The following FHIP2A variants were observed in gnomAD, a reference collection of about 807,000 sequenced individuals.
FHIP2A encodes the protein FHF complex subunit HOOK interacting protein 2A.
In FHIP2A, 46 loss-of-function variants were observed where a neutral mutation model predicts 93.5. The ratio of observed to expected loss-of-function variants is 0.49; its 90% CI spans 0.39 to 0.63. The LOEUF (loss-of-function observed/expected upper bound fraction) is 0.63, where lower values mean the gene tolerates loss of function less well. Among genes scored for constraint, FHIP2A ranks in the 20% least tolerant of loss-of-function variants. The probability of loss-of-function intolerance (pLI) is 0.00; values close to 1 mark genes in which losing one functional copy is unlikely to be tolerated. For missense variants in FHIP2A, 769 were observed against 909.7 expected, an observed-to-expected ratio of 0.85 and a Z score of 1.99; for synonymous variants, 332 against 326.5, an observed-to-expected ratio of 1.02 and a Z score of -0.18.
At chr10:114,871,597 C>T (rs1344632280) in intron 16 of FHIP2A, among the ~76,000 whole-genome samples, 5 of 152,136 alleles carry the variant, frequency 3.3e-5, no homozygotes, top group Admixed American at 2.6e-4. Context: ...TATGAAATTC[C>T]CTCTGCAGAA....
intron 16 of FHIP2A, among the ~76,000 whole-genome samples, chr10:114,878,636 G>A (rs1412089479): frequency 2.6e-5 from 4 of 151,994 alleles, no homozygotes; most frequent in Non-Finnish European, 5.9e-5. Flanking sequence ...AAAATTAGCC[G>A]GCCATAATGG....
rs567857826 is a variant in FHIP2A at position 114,846,119 on chromosome 10, C to A, written c.1205+30C>A. ...GTAGCCTGTTTTCTTTTGAAAAAAACCGCATCACTGTGTCATGTTATTTTT... is the reference window on the plus strand; with the variant it reads ...GTAGCCTGTTTTCTTTTGAAAAAAAACGCATCACTGTGTCATGTTATTTTT... On this transcript the variant is annotated intron_variant, in intron 9 of 16. Coordinates refer to ENST00000369248, the MANE Select transcript of FHIP2A (RefSeq NM_020940.4). 2.9e-5 allele frequency: 46 copies of A among 1,611,926 alleles called. No homozygotes were observed. The East Asian group carries it at 8.5e-4, about 30-fold the overall frequency.
Position 114,822,130 on chromosome 10 carries a change from C to CCG in FHIP2A, c.45+10_45+11dup, listed in dbSNP as rs954405021. The CCG allele has an allele frequency of 8.3e-6, 11 of 1,320,278 alleles. No individual in the cohort carries two copies. The African/African-American group carries it at 1.5e-4, about 18-fold the overall frequency. 81.8% of individuals were successfully genotyped at this position (1,320,278 alleles called of 1,614,324 possible). A position where few individuals can be genotyped will look rare whatever the true frequency, so the allele number is the denominator to read the frequency against. ...GCAGCACGCCGTGGAGGCGGTAAGGCCGCGGGCTGCGGGCGCACGGCAGGC... is the reference window on the plus strand; with the variant it reads ...GCAGCACGCCGTGGAGGCGGTAAGGCCGCGCGGGCTGCGGGCGCACGGCAGGC... On this transcript the variant is annotated splice_region_variant and intron_variant, in intron 1 of 16. Coordinates refer to ENST00000369248, the MANE Select transcript of FHIP2A (RefSeq NM_020940.4).
chr10:114,845,303 C>T lies in FHIP2A; in HGVS notation c.1014-64C>T, dbSNP rs2083694135. ...GTTCATGTGCCTTCATTTTTCCATA[C>T]ATTCTGAATAGGGTCCATGCTTTTG... On this transcript the variant is annotated intron_variant, in intron 7 of 16. Transcript: ENST00000369248. 5.7e-6 allele frequency: 5 copies of T among 881,010 alleles called. No individual in the cohort carries two copies. The South Asian group carries it at 7.2e-5, about 13-fold the overall frequency. 54.6% of individuals were successfully genotyped at this position (881,010 alleles called of 1,614,324 possible).
chr10:114,860,934 T>C, intron 15 of FHIP2A, 45 bp downstream of exon 15: 1 of 1,550,678 alleles, frequency 6.4e-7, no homozygotes, highest in Non-Finnish European at 8.9e-7. Context: ...GATAAATCTG[T>C]GCAATTAATA....
chr10:114,859,981 G>A (rs1336431650), intron 14 of FHIP2A, among the ~76,000 whole-genome samples: 2 of 152,070 alleles, frequency 1.3e-5, no homozygotes, highest in Admixed American at 1.3e-4. Flanking sequence ...TGTGTTTTTG[G>A]GAATTGGCAG....
chr10:114,844,009 T>C, intron 7 of FHIP2A, 72 bp downstream of exon 7: 1 of 1,269,790 alleles, frequency 7.9e-7, no homozygotes, highest in Non-Finnish European at 1.1e-6. Flanking sequence ...CCATTTCTAT[T>C]TTGCAATGGT....
chr10:114,822,125 T>C lies in FHIP2A; in HGVS notation c.45+2T>C. 7.5e-7 allele frequency: 1 copy of C among 1,329,688 alleles called. No homozygotes were observed. Among genetic ancestry groups the C allele is most frequent in the Non-Finnish European group, 9.8e-7 (1 of 1,018,002 alleles). The allele number at this position is 1,329,688 out of a possible 1,614,324, so 82.4% of individuals were successfully genotyped here. A position where few individuals can be genotyped will look rare whatever the true frequency, so the allele number is the denominator to read the frequency against. On this transcript the variant is annotated splice_donor_variant, in intron 1 of 16. Transcript: ENST00000369248. LOFTEE classifies it high-confidence loss of function. Reference sequence around the variant, plus strand: ...ATCCTGCAGCACGCCGTGGAGGCGGTAAGGCCGCGGGCTGCGGGCGCACGG... The same window carrying C: ...ATCCTGCAGCACGCCGTGGAGGCGGCAAGGCCGCGGGCTGCGGGCGCACGG...
At position 114,851,933 on chromosome 10, in the gene FHIP2A, CTAAG is replaced by C. The variant is rs2083739441; in HGVS notation, c.1803+3199_1803+3202del. On this transcript the variant is annotated intron_variant, in intron 13 of 16. Transcript: ENST00000369248. ...TGCACTTCCTTCATTAAATCTATTC[CTAAG>C]TATTTTATTCTTTATTGTAAGTGAA... Among the ~76,000 whole-genome samples, 8 of 152,114 alleles carry C rather than the reference CTAAG, an allele frequency of 5.3e-5. No individual in the cohort carries two copies. The South Asian group carries it at 1.7e-3, about 32-fold the overall frequency.
At chr10:114,847,051 T>G in intron 11 of FHIP2A, 39 bp from the exon 12 acceptor site, 1 of 1,528,154 alleles carries the variant, frequency 6.5e-7, no homozygotes, top group Non-Finnish European at 8.9e-7. Context: ...AATGTCATAA[T>G]AAAATAGTGC....
At position 114,896,406 on chromosome 10, in the gene FHIP2A, G is replaced by A. The variant is rs1229249892; in HGVS notation, c.2193-3084G>A. 1.3e-5 allele frequency among the ~76,000 whole-genome samples: 2 copies of A among 152,094 alleles called. 1 individual carries two copies. The highest frequency in any genetic ancestry group is 2.9e-5 in the Non-Finnish European group (2 of 68,014). On this transcript the variant is annotated intron_variant, in intron 16 of 16. Transcript: ENST00000369250. Reference sequence around the variant, plus strand: ...ATAGATTATTCCATGGCATCTTACAGAAATCAGGACTGTGGTCATGTGAAA... The same window carrying A: ...ATAGATTATTCCATGGCATCTTACAAAAATCAGGACTGTGGTCATGTGAAA...
intron 13 of FHIP2A, among the ~76,000 whole-genome samples, chr10:114,850,411 A>T (rs1429759500): frequency 1.3e-5 from 2 of 152,226 alleles, no homozygotes; most frequent in South Asian, 2.1e-4. Context: ...TCTCTGAAGA[A>T]TATTTAAATC....
At position 114,846,235 on chromosome 10, in the gene FHIP2A, C is replaced by T. The variant is rs774372067; in HGVS notation, c.1266C>T (p.Thr422=). 2 of 1,614,136 alleles carry T rather than the reference C, an allele frequency of 1.2e-6. No individual in the cohort carries two copies. Among genetic ancestry groups the T allele is most frequent in the East Asian group, 2.2e-5 (1 of 44,874 alleles). The change falls in exon 10 of 17, where the codon ACC becomes ACT. Residue 422 remains threonine, a synonymous_variant. Coordinates refer to ENST00000369248, the MANE Select transcript of FHIP2A (RefSeq NM_020940.4). ...ALLHRIVRQV[T]SDVLLQEMVF... is the part of the protein sequence containing the mutation. ...TTCATCGCATCGTTCGGCAAGTGACCTCTGATGTTTTGCTTCAAGAAATGG... is the reference window on the plus strand; with the variant it reads ...TTCATCGCATCGTTCGGCAAGTGACTTCTGATGTTTTGCTTCAAGAAATGG...
chr10:114,893,780 C>T (rs917489060), intron 16 of FHIP2A, among the ~76,000 whole-genome samples: 1 of 151,890 alleles, frequency 6.6e-6, no homozygotes, highest in Non-Finnish European at 1.5e-5. Flanking sequence ...TATATACGAA[C>T]ATAGAATTTC....
chr10:114,863,390 T>C lies in FHIP2A; in HGVS notation c.*1850T>C. On this transcript the variant is annotated 3_prime_UTR_variant, in exon 17 of 17. Coordinates refer to ENST00000369248, the MANE Select transcript of FHIP2A (RefSeq NM_020940.4). Reference sequence around the variant, plus strand: ...TTCTTAATGTTTTCATAGTGCTCAATAGGTGTAGTAGCAATGATATTACCT... The same window carrying C: ...TTCTTAATGTTTTCATAGTGCTCAACAGGTGTAGTAGCAATGATATTACCT... 2.0e-6 allele frequency: 2 copies of C among 1,013,204 alleles called. No homozygotes were observed. Among genetic ancestry groups the C allele is most frequent in the Non-Finnish European group, 2.4e-6 (2 of 846,016 alleles). 62.8% of individuals were successfully genotyped at this position (1,013,204 alleles called of 1,614,324 possible).
chr10:114,857,835 A>G (rs1258575437), intron 14 of FHIP2A, among the ~76,000 whole-genome samples: 1 of 152,324 alleles, frequency 6.6e-6, no homozygotes, highest in Admixed American at 6.5e-5. Flanking sequence ...TCATAATACA[A>G]ACATTTACTA....
chr10:114,838,932 A>G (rs1354226655), intron 5 of FHIP2A, among the ~76,000 whole-genome samples: 1 of 152,144 alleles, frequency 6.6e-6, no homozygotes, highest in Non-Finnish European at 1.5e-5. Context: ...GTTTAATGTC[A>G]GTTACTACAG....
chr10:114,847,050 A>G (rs781354217), intron 11 of FHIP2A, 40 bp from the exon 12 acceptor site: 5 of 1,527,258 alleles, frequency 3.3e-6, no homozygotes, highest in Admixed American at 1.9e-5. Flanking sequence ...AAATGTCATA[A>G]TAAAATAGTG....
At chr10:114,825,665 C>G (rs1448360801) in intron 1 of FHIP2A, among the ~76,000 whole-genome samples, 1 of 152,120 alleles carries the variant, frequency 6.6e-6, no homozygotes, top group Non-Finnish European at 1.5e-5. Flanking sequence ...AGCCAGTTGC[C>G]GCATGTCACA....
Sources: gnomAD v4.1 joint callset for allele counts (sites outside exome capture counted in the v4.1 genomes callset) on GRCh38, gnomAD v4.1.1 for gene constraint, MANE v1.5 for transcripts, NCBI Gene and HGNC (gene_info 2026-07-23, HGNC 2026-07-21) for gene names.